TTC33: variants seen among roughly 807,000 people sequenced by gnomAD.
TTC33 encodes the protein tetratricopeptide repeat protein 33.
TTC33 carries 24 observed loss-of-function variants against 29.4 expected under a neutral mutation model. The ratio of observed to expected loss-of-function variants is 0.82; its 90% CI spans 0.59 to 1.15. The LOEUF is 1.15. Ranked by LOEUF, TTC33 falls within the 50% of genes most tolerant of loss-of-function variation. The probability of loss-of-function intolerance (pLI) is 0.00; values close to 1 mark genes in which losing one functional copy is unlikely to be tolerated. For synonymous variants in TTC33, 107 were observed against 100.3 expected (o/e 1.07, Z -0.40); for missense variants, 286 against 310.4 (o/e 0.92, Z 0.59).
chr5:40,750,466 G>A (rs754792670), intron 1 of TTC33, among the ~76,000 whole-genome samples: 4 of 151,962 alleles, frequency 2.6e-5, no homozygotes, highest in Admixed American at 2.0e-4. Flanking sequence ...ACAGAGGCAG[G>A]AGGATCACCT....
intron 2 of TTC33, among the ~76,000 whole-genome samples, chr5:40,741,328 A>C (rs940901029): frequency 6.6e-6 from 1 of 152,200 alleles, no homozygotes; most frequent in Non-Finnish European, 1.5e-5. Context: ...CTGTGACTCC[A>C]GTAAATATTT....
intron 3 of TTC33, among the ~76,000 whole-genome samples, chr5:40,728,690 G>T (rs1742354871): frequency 6.6e-6 from 1 of 152,036 alleles, no homozygotes; most frequent in South Asian, 2.1e-4. Flanking sequence ...TCCCTTTCCA[G>T]TTATTGAATC....
intron 1 of TTC33, among the ~76,000 whole-genome samples, chr5:40,747,784 T>C (rs1276183924): frequency 6.6e-6 from 1 of 152,182 alleles, no homozygotes; most frequent in Non-Finnish European, 1.5e-5. Context: ...ACATAACATG[T>C]GGATCTTGTT....
chr5:40,755,847 T>C lies in TTC33; in HGVS notation c.-25A>G, dbSNP rs1171803168. ...ACCTGCCTTCCCTGGATTCCTGGTTTCCTAAGAAACGGGTTTGGCCCACCC... is the reference window on the plus strand; with the variant it reads ...ACCTGCCTTCCCTGGATTCCTGGTTCCCTAAGAAACGGGTTTGGCCCACCC... On this transcript the variant is annotated 5_prime_UTR_variant, in exon 1 of 5. Coordinates refer to ENST00000337702, the MANE Select transcript of TTC33 (RefSeq NM_012382.3). 6.6e-6 allele frequency: 1 copy of C among 152,540 alleles called. No individual in the cohort carries two copies. Among genetic ancestry groups the C allele is most frequent in the Non-Finnish European group, 1.5e-5 (1 of 68,190 alleles). The allele number at this position is 152,540 out of a possible 1,614,324, so 9.4% of individuals were successfully genotyped here.
intron 4 of TTC33, among the ~76,000 whole-genome samples, chr5:40,719,921 TAC>T (rs887725366): frequency 2.0e-4 from 31 of 152,344 alleles, no homozygotes; most frequent in Non-Finnish European, 4.1e-4. Context: ...AAGAGTTTTT[TAC>T]AGAGTCTACA....
Position 40,713,247 on chromosome 5 carries a change from A to G in TTC33, c.*2898T>C, listed in dbSNP as rs1428798513. 6.6e-6 allele frequency among the ~76,000 whole-genome samples: 1 copy of G among 152,120 alleles called. No homozygotes were observed. Among genetic ancestry groups the G allele is most frequent in the African/African-American group, 2.4e-5 (1 of 41,438 alleles). ...ATTGCTGGTCCAGAGTCACTTTAGA[A>G]TGGCTCTGATTCAAGGAAATTAAAA... On this transcript the variant is annotated 3_prime_UTR_variant, in exon 5 of 5. Coordinates refer to ENST00000337702, the MANE Select transcript of TTC33 (RefSeq NM_012382.3).
Position 40,746,914 on chromosome 5 carries a change from G to A in TTC33, c.105C>T (p.Asn35=), listed in dbSNP as rs770831560. The A allele has an allele frequency of 1.3e-5, 21 of 1,613,906 alleles. No individual in the cohort carries two copies. The highest frequency in any genetic ancestry group is 4.5e-5 in the East Asian group (2 of 44,888). ...EAADEKDVVD[N]DEGNWLHAIK... ...TGGCATGAAGCCAGTTCCCTTCATC[G>A]TTGTCAACTACATCCTTCTCATCAG... The change falls in exon 2 of 5, where the codon AAC becomes AAT. Residue 35 remains asparagine (N), a synonymous_variant. Coordinates refer to ENST00000337702, the MANE Select transcript of TTC33 (RefSeq NM_012382.3).
chr5:40,728,213 G>A, intron 4 of TTC33, 132 bp downstream of exon 4: 4 of 637,572 alleles, frequency 6.3e-6, no homozygotes, highest in African/African-American at 1.9e-5. Flanking sequence ...GAACCCAGGA[G>A]GCGGAGGTTG....
At chr5:40,728,544 C>A in intron 3 of TTC33, 68 bp from the exon 4 acceptor site, 1 of 1,419,894 alleles carries the variant, frequency 7.0e-7, no homozygotes, top group Admixed American at 2.5e-5. Context: ...ATAAAAAACC[C>A]TTTTCATTTT....
chr5:40,752,073 T>G (rs1742906577), intron 1 of TTC33, among the ~76,000 whole-genome samples: 1 of 152,220 alleles, frequency 6.6e-6, no homozygotes, highest in Non-Finnish European at 1.5e-5. Flanking sequence ...TGCACTTTCA[T>G]GTTATGAAAA....
At chr5:40,724,259 A>G (rs906111719) in intron 4 of TTC33, among the ~76,000 whole-genome samples, 5 of 152,246 alleles carry the variant, frequency 3.3e-5, no homozygotes, top group African/African-American at 1.2e-4. Context: ...GCTAAGTGAA[A>G]GAAGCCAGTC....
chr5:40,754,219 G>C (rs1742945506), intron 1 of TTC33, among the ~76,000 whole-genome samples: 1 of 152,204 alleles, frequency 6.6e-6, no homozygotes, highest in African/African-American at 2.4e-5. Context: ...AGGGGCTGCA[G>C]AGGTCAGGAC....
At chr5:40,719,217 C>T (rs1013465280) in intron 4 of TTC33, among the ~76,000 whole-genome samples, 4 of 152,194 alleles carry the variant, frequency 2.6e-5, no homozygotes, top group African/African-American at 7.2e-5. Flanking sequence ...AGTTACTCCT[C>T]ATTTCTCCCC....
intron 2 of TTC33, among the ~76,000 whole-genome samples, chr5:40,743,716 G>A: frequency 6.6e-6 from 1 of 152,184 alleles, no homozygotes; most frequent in Non-Finnish European, 1.5e-5. Context: ...GGAGGTTGCA[G>A]TGAGCCAAGA....
intron 1 of TTC33, among the ~76,000 whole-genome samples, chr5:40,753,345 C>A (rs749400467): frequency 6.7e-6 from 1 of 149,202 alleles, no homozygotes; most frequent in Non-Finnish European, 1.5e-5. Flanking sequence ...GCCTGAGCGA[C>A]ACGAGCAAAA....
chr5:40,730,038 C>T (rs548668386), intron 3 of TTC33, among the ~76,000 whole-genome samples: 16 of 152,246 alleles, frequency 1.1e-4, no homozygotes, highest in African/African-American at 2.9e-4. Flanking sequence ...TCCTATCTTA[C>T]AATAGTTAGG....
intron 4 of TTC33, among the ~76,000 whole-genome samples, chr5:40,726,826 A>G (rs1212923592): frequency 6.6e-6 from 1 of 152,154 alleles, no homozygotes; most frequent in Non-Finnish European, 1.5e-5. Context: ...AATTTTTAAT[A>G]AGGGAGGCAA....
chr5:40,738,801 G>A (rs1000207940), intron 2 of TTC33, among the ~76,000 whole-genome samples: 2 of 152,002 alleles, frequency 1.3e-5, no homozygotes, highest in African/African-American at 4.8e-5. Context: ...ATGACTAATA[G>A]TGTTGAGCAG....
At chr5:40,721,503 A>G (rs1742134314) in intron 4 of TTC33, among the ~76,000 whole-genome samples, 1 of 152,174 alleles carries the variant, frequency 6.6e-6, no homozygotes, top group African/African-American at 2.4e-5. Context: ...ATACATAATG[A>G]GAAAAGTCTA....
Sources: gnomAD v4.1 joint callset for allele counts (sites outside exome capture counted in the v4.1 genomes callset) on GRCh38, gnomAD v4.1.1 for gene constraint, MANE v1.5 for transcripts, NCBI Gene and HGNC (gene_info 2026-07-23, HGNC 2026-07-21) for gene names.